RGS7: variants seen among roughly 807,000 people sequenced by gnomAD.
RGS7 encodes the protein regulator of G-protein signaling 7.
RGS7 carries 27 observed loss-of-function variants against 81.1 expected under a neutral mutation model. The observed-to-expected ratio is 0.33, with a 90% CI of 0.25 to 0.46. The LOEUF (loss-of-function observed/expected upper bound fraction) is 0.46, where lower values mean the gene tolerates loss of function less well. RGS7 is among the 20% of genes least tolerant of loss of function. RGS7 has a pLI of 1.00. For missense variants in RGS7, 396 were observed against 607.4 expected, an observed-to-expected ratio of 0.65 and a Z score of 3.66; for synonymous variants, 208 against 207.7, an observed-to-expected ratio of 1.00 and a Z score of -0.01.
intron 3 of RGS7, among the ~76,000 whole-genome samples, chr1:241,085,975 T>A (rs1190757652): frequency 6.6e-6 from 1 of 152,188 alleles, no homozygotes; most frequent in Non-Finnish European, 1.5e-5. Context: ...CTGCTCCAAG[T>A]GAACTAAGGC....
rs540953445 is a variant in RGS7, at chr1:240,881,233, G to T, written c.386-11114C>A. 1.8e-3 allele frequency among the ~76,000 whole-genome samples: 273 copies of T among 151,700 alleles called. 2 individuals are homozygous for T. The highest frequency in any genetic ancestry group is 6.4e-3 in the African/African-American group (263 of 41,346). ...ATGAAGCTGGAAATCATCATTCTGA[G>T]CAAACTATCGCAAGGTCAGAAAACC... is the stretch of plus-strand genomic sequence containing the variant. On this transcript the variant is annotated intron_variant, in intron 6 of 18. Transcript: ENST00000440928.
At chr1:241,280,875 G>C (rs1558268868) in intron 2 of RGS7, among the ~76,000 whole-genome samples, 1 of 152,168 alleles carries the variant, frequency 6.6e-6, no homozygotes, top group Non-Finnish European at 1.5e-5. Context: ...CAAAATGATA[G>C]TTGCAAGTTT....
chr1:241,265,096 A>T (rs1399208249), intron 2 of RGS7, among the ~76,000 whole-genome samples: 1 of 152,126 alleles, frequency 6.6e-6, no homozygotes, highest in Non-Finnish European at 1.5e-5. Flanking sequence ...CCAGGGTTCA[A>T]CCTCTTGTTA....
At chr1:241,143,028 T>C (rs531633366) in intron 2 of RGS7, among the ~76,000 whole-genome samples, 2 of 152,302 alleles carry the variant, frequency 1.3e-5, no homozygotes, top group African/African-American at 2.4e-5. Flanking sequence ...GCCAGTCTCT[T>C]TGCTAAAACA....
chr1:240,831,206 AGGCCTCATG>A (rs537597409), intron 9 of RGS7, among the ~76,000 whole-genome samples: 143 of 152,292 alleles, frequency 9.4e-4, no homozygotes, highest in African/African-American at 3.3e-3. Context: ...ATTTCTAATG[AGGCCTCATG>A]GGACAGCTAA....
At chr1:240,904,011 C>T (rs544093988) in intron 6 of RGS7, among the ~76,000 whole-genome samples, 3 of 152,116 alleles carry the variant, frequency 2.0e-5, no homozygotes, top group African/African-American at 4.8e-5. Context: ...ACCCAGAGTC[C>T]GCTATTCCTT....
intron 2 of RGS7, among the ~76,000 whole-genome samples, chr1:241,229,716 C>T (rs2075541223): frequency 6.6e-6 from 1 of 152,248 alleles, no homozygotes; most frequent in African/African-American, 2.4e-5. Flanking sequence ...CCGAAATGAA[C>T]TTGACTGGTC....
intron 2 of RGS7, among the ~76,000 whole-genome samples, chr1:241,347,612 T>C (rs1286044178): frequency 6.6e-6 from 1 of 152,178 alleles, no homozygotes; most frequent in Non-Finnish European, 1.5e-5. Context: ...TGAGATGCTA[T>C]GAAATAGAGA....
At chr1:241,203,357 C>G (rs898533168) in intron 2 of RGS7, among the ~76,000 whole-genome samples, 3 of 152,100 alleles carry the variant, frequency 2.0e-5, no homozygotes, top group Admixed American at 6.5e-5. Context: ...CTCAGCCTCC[C>G]AAGTAGCTGG....
intron 4 of RGS7, among the ~76,000 whole-genome samples, chr1:240,951,934 C>T (rs1039232777): frequency 3.3e-5 from 5 of 151,876 alleles, no homozygotes; most frequent in East Asian, 1.9e-4. Flanking sequence ...AATGACAGTG[C>T]GCTTCTCATC....
intron 3 of RGS7, among the ~76,000 whole-genome samples, chr1:241,010,232 G>A (rs2058890517): frequency 6.6e-6 from 1 of 152,212 alleles, no homozygotes; most frequent in Non-Finnish European, 1.5e-5. Flanking sequence ...TTGTGTATCT[G>A]AAGGAAATGG....
intron 3 of RGS7, among the ~76,000 whole-genome samples, chr1:241,030,406 TACACATATATTTATAAAATATATAA>T (rs2060023134): frequency 9.5e-6 from 1 of 105,216 alleles, no homozygotes; most frequent in Non-Finnish European, 2.1e-5. Flanking sequence ...ACACACTATA[TACACATATATTTATAAAATATATAA>T]ATATATATGT....
At position 240,776,156 on chromosome 1, in the gene RGS7, G is replaced by A; in HGVS notation, c.*64C>T. 5 of 1,605,158 alleles carry A rather than the reference G, an allele frequency of 3.1e-6. No individual in the cohort carries two copies. Among genetic ancestry groups the A allele is most frequent in the Non-Finnish European group, 4.3e-6 (5 of 1,171,842 alleles). On this transcript the variant is annotated 3_prime_UTR_variant, in exon 19 of 19. Coordinates refer to ENST00000440928, the MANE Select transcript of RGS7 (RefSeq NM_001364886.1). ...CCAGTCTGCATTCATGCTACAAGAT[G>A]ATCCGTTTAGTAAGACTGAGCAAGG...
intron 6 of RGS7, among the ~76,000 whole-genome samples, chr1:240,922,550 G>T (rs1290768974): frequency 1.3e-5 from 2 of 151,924 alleles, no homozygotes; most frequent in African/African-American, 2.4e-5. Flanking sequence ...TAAAAAATCG[G>T]CAAAATATAA....
rs1210921229 is a variant in RGS7 at position 240,882,888 on chromosome 1, C to CT, written c.386-12770dup. On this transcript the variant is annotated intron_variant, in intron 6 of 18. Coordinates refer to ENST00000440928, the MANE Select transcript of RGS7 (RefSeq NM_001364886.1). Reference sequence around the variant, plus strand: ...ACAAAATAGAGCCATTTAATTTACCCTTTCGTTTTAAATATAACAATGTCA... The same window carrying CT: ...ACAAAATAGAGCCATTTAATTTACCCTTTTCGTTTTAAATATAACAATGTCA... Among the ~76,000 whole-genome samples the CT allele has an allele frequency of 2.0e-5, 3 of 152,270 alleles. No individual in the cohort carries two copies. In the South Asian group the frequency reaches 6.2e-4, roughly 32 times the overall value.
At chr1:240,932,918 C>CT (rs1675809099) in intron 5 of RGS7, among the ~76,000 whole-genome samples, 1 of 110,506 alleles carries the variant, frequency 9.0e-6, no homozygotes, top group South Asian at 3.1e-4. Context: ...GAGTCTCGCT[C>CT]TGTCGCCCAG....
chr1:240,822,532 T>C (rs552492157), intron 10 of RGS7, among the ~76,000 whole-genome samples: 25 of 152,364 alleles, frequency 1.6e-4, no homozygotes, highest in African/African-American at 5.8e-4. Flanking sequence ...TGTAGGTTTA[T>C]GATAAACTAT....
intron 3 of RGS7, among the ~76,000 whole-genome samples, chr1:241,036,767 A>G (rs2060350773): frequency 6.6e-6 from 1 of 152,186 alleles, no homozygotes; most frequent in African/African-American, 2.4e-5. Flanking sequence ...GCATATGCCT[A>G]GCTTGCCGTG....
chr1:241,007,165 T>A (rs2058722414), intron 3 of RGS7, among the ~76,000 whole-genome samples: 1 of 152,088 alleles, frequency 6.6e-6, no homozygotes, highest in South Asian at 2.1e-4. Flanking sequence ...GATCCACCCA[T>A]CTCAGCATCC....
Sources: allele counts gnomAD v4.1 joint callset (sites outside exome capture counted in the v4.1 genomes callset), GRCh38; gene constraint gnomAD v4.1.1; transcripts MANE v1.5; gene names NCBI Gene and HGNC (gene_info 2026-07-23, HGNC 2026-07-21).